Variants in CREB5 observed in about 807,000 individuals in gnomAD.
CREB5 encodes cyclic AMP-responsive element-binding protein 5.
In CREB5, 19 loss-of-function variants were observed where a neutral mutation model predicts 57.1. The observed-to-expected ratio is 0.33, with a 90% CI of 0.23 to 0.49. The LOEUF is 0.49. Ranked by LOEUF, CREB5 falls within the 20% of genes least tolerant of loss-of-function variation. The pLI is 0.99. For synonymous variants in CREB5, 238 were observed against 238.3 expected (o/e 1.00, Z 0.01); for missense variants, 579 against 671.6 (o/e 0.86, Z 1.52).
chr7:28,401,869 C>T (rs1383973231), intron 1 of CREB5, among the ~76,000 whole-genome samples: 2 of 152,210 alleles, frequency 1.3e-5, no homozygotes, highest in African/African-American at 4.8e-5. Flanking sequence ...CCACAATAAA[C>T]ATACATGTGC....
chr7:28,369,759 T>G (rs534239955), intron 1 of CREB5, among the ~76,000 whole-genome samples: 12 of 152,298 alleles, frequency 7.9e-5, no homozygotes, highest in African/African-American at 2.4e-4. Flanking sequence ...GACCAGGACT[T>G]CTATGTCTGC....
At chr7:28,762,086 G>A (rs6980444) in intron 7 of CREB5, among the ~76,000 whole-genome samples, 35,194 of 151,998 alleles carry the variant, frequency 0.23, 5,046 homozygotes, top group Non-Finnish European at 0.32. Flanking sequence ...TTAAATGAAA[G>A]CTTTATATAT....
chr7:28,304,019 C>T (rs1785144096), intron 1 of CREB5, among the ~76,000 whole-genome samples: 1 of 151,992 alleles, frequency 6.6e-6, no homozygotes. Context: ...CCAATATTTC[C>T]ATTTGGAATG....
At chr7:28,461,416 T>TG (rs1366733745) in intron 1 of CREB5, among the ~76,000 whole-genome samples, 1 of 85,446 alleles carries the variant, frequency 1.2e-5, no homozygotes, top group Non-Finnish European at 2.3e-5. Flanking sequence ...GATGGGTATC[T>TG]TTTTTAGCAT....
intron 7 of CREB5, among the ~76,000 whole-genome samples, chr7:28,753,561 C>T (rs1805105647): frequency 1.3e-5 from 2 of 152,164 alleles, no homozygotes; most frequent in Non-Finnish European, 2.9e-5. Flanking sequence ...AGCAGTAATT[C>T]CATAGGTACC....
chr7:28,470,850 A>G (rs1253806164), intron 1 of CREB5, among the ~76,000 whole-genome samples: 1 of 152,104 alleles, frequency 6.6e-6, no homozygotes, highest in Non-Finnish European at 1.5e-5. Context: ...ACCCTTTCAT[A>G]TGTCGGTTTG....
intron 1 of CREB5, among the ~76,000 whole-genome samples, chr7:28,420,178 G>T (rs1788185821): frequency 6.6e-6 from 1 of 151,704 alleles, no homozygotes; most frequent in Non-Finnish European, 1.5e-5. Context: ...TACTTGACAT[G>T]CCCTTTGGAA....
chr7:28,546,276 G>T (rs915467576), intron 4 of CREB5, among the ~76,000 whole-genome samples: 3 of 152,102 alleles, frequency 2.0e-5, no homozygotes, highest in African/African-American at 7.2e-5. Flanking sequence ...ACCACATGTT[G>T]TTTATCCATT....
At chr7:28,502,576 A>G (rs1412457040) in intron 3 of CREB5, among the ~76,000 whole-genome samples, 1 of 152,246 alleles carries the variant, frequency 6.6e-6, no homozygotes, top group Admixed American at 6.5e-5. Context: ...TTGCCTTTAA[A>G]GAATATCCTG....
intron 1 of CREB5, among the ~76,000 whole-genome samples, chr7:28,395,781 T>TTTTCTTTCTTTCTTTC (rs529778395): frequency 1.3e-5 from 2 of 152,102 alleles, no homozygotes; most frequent in African/African-American, 4.8e-5. Flanking sequence ...GGAGTTTCTT[T>TTTTCTTTCTTTCTTTC]TTTCTTTCTT....
chr7:28,622,487 A>C (rs772971406), intron 5 of CREB5, among the ~76,000 whole-genome samples: 8 of 152,188 alleles, frequency 5.3e-5, no homozygotes, highest in Non-Finnish European at 1.0e-4. Context: ...AAAGAAAATT[A>C]CACCATTCTA....
At chr7:28,310,958 C>G (rs191770650) in intron 1 of CREB5, among the ~76,000 whole-genome samples, 1 of 151,984 alleles carries the variant, frequency 6.6e-6, no homozygotes, top group Non-Finnish European at 1.5e-5. Flanking sequence ...AGAGTCCACA[C>G]GGGACATTTG....
rs1562796896 is a variant in CREB5 at position 28,560,809 on chromosome 7, C to CGTGCGCGCGCGT, written c.292-9553_292-9552insCGCGCGCGTGTG. On this transcript the variant is annotated intron_variant, in intron 4 of 10. Transcript: ENST00000357727. ...TCTCTGCTTCCACAGTGTGTGTGCGCGTGTGTGTGTGTGCGCGCGCGCGCG... is the reference window on the plus strand; with the variant it reads ...TCTCTGCTTCCACAGTGTGTGTGCGCGTGCGCGCGCGTGTGTGTGTGTGTGCGCGCGCGCGCG... Among the ~76,000 whole-genome samples, 29 of 19,402 alleles carry CGTGCGCGCGCGT rather than the reference C, an allele frequency of 1.5e-3. 1 individual carries two copies. Among genetic ancestry groups the CGTGCGCGCGCGT allele is most frequent in the Non-Finnish European group, 2.5e-3 (20 of 7,884 alleles). 12.7% of individuals were successfully genotyped at this position (19,402 alleles called of 152,430 possible).
rs1376338798 is a variant in CREB5 at position 28,348,408 on chromosome 7, T to TCTCTCACACACACACACA, written c.-25+48968_-25+48969insTCTCACACACACACACAC. On this transcript the variant is annotated intron_variant, in intron 1 of 9. Transcript: ENST00000396299. Reference sequence around the variant, plus strand: ...GTCTCTCTCTCTCTGTCTCTCTCTCTCACACACACACACACACACACACAC... The same window carrying TCTCTCACACACACACACA: ...GTCTCTCTCTCTCTGTCTCTCTCTCTCTCTCACACACACACACACACACACACACACACACACACACAC... 1.1e-3 allele frequency among the ~76,000 whole-genome samples: 131 copies of TCTCTCACACACACACACA among 118,230 alleles called. 1 individual carries two copies. The highest frequency in any genetic ancestry group is 4.0e-3 in the African/African-American group (128 of 31,712). 77.6% of individuals were successfully genotyped at this position (118,230 alleles called of 152,430 possible).
intron 5 of CREB5, among the ~76,000 whole-genome samples, chr7:28,635,353 T>G (rs1340857212): frequency 6.6e-6 from 1 of 152,232 alleles, no homozygotes; most frequent in Non-Finnish European, 1.5e-5. Context: ...CTTTAGCACT[T>G]CTTCTCCATT....
chr7:28,444,630 G>C (rs962683404), intron 1 of CREB5, among the ~76,000 whole-genome samples: 2 of 152,148 alleles, frequency 1.3e-5, no homozygotes, highest in Non-Finnish European at 2.9e-5. Context: ...AGCCTGACTT[G>C]GTGCTTATTT....
chr7:28,354,474 C>G (rs926717635), intron 1 of CREB5, among the ~76,000 whole-genome samples: 1 of 152,178 alleles, frequency 6.6e-6, no homozygotes, highest in Non-Finnish European at 1.5e-5. Flanking sequence ...AACTGGCTCT[C>G]CTTGCTCCTC....
At chr7:28,780,616 G>T (rs1806918004) in intron 7 of CREB5, among the ~76,000 whole-genome samples, 1 of 152,108 alleles carries the variant, frequency 6.6e-6, no homozygotes, top group Admixed American at 6.5e-5. Context: ...CAGCTACTCA[G>T]GTGGCTGAGG....
At chr7:28,775,242 C>T (rs1482317727) in intron 7 of CREB5, among the ~76,000 whole-genome samples, 1 of 152,056 alleles carries the variant, frequency 6.6e-6, no homozygotes, top group African/African-American at 2.4e-5. Context: ...TCCTCTCTGC[C>T]TGTTGAAATT....
Sources: gnomAD v4.1 joint callset for allele counts (sites outside exome capture counted in the v4.1 genomes callset) on GRCh38, gnomAD v4.1.1 for gene constraint, MANE v1.5 for transcripts, NCBI Gene and HGNC (gene_info 2026-07-23, HGNC 2026-07-21) for gene names.